Variants in SNIP1 observed in about 807,000 individuals in gnomAD.
SNIP1 encodes smad nuclear-interacting protein 1.
A neutral mutation model predicts 37.4 loss-of-function variants in SNIP1; 23 were observed. The observed-to-expected ratio is 0.61, with a 90% CI of 0.44 to 0.87. The LOEUF (loss-of-function observed/expected upper bound fraction) is 0.87, where lower values mean the gene tolerates loss of function less well. SNIP1 is among the 40% of genes least tolerant of loss of function. The probability of loss-of-function intolerance (pLI) is 0.00; values close to 1 mark genes in which losing one functional copy is unlikely to be tolerated. For synonymous variants in SNIP1, 174 were observed against 200.0 expected, an observed-to-expected ratio of 0.87 and a Z score of 1.10; for missense variants, 459 against 540.4, an observed-to-expected ratio of 0.85 and a Z score of 1.49.
chr1:37,535,230 T>TATATATATATATATATA lies in SNIP1; in HGVS notation c.*2517_*2518insTATATATATATATATAT, dbSNP rs1553165371. ...ACTAAAAAAAAATAAAAAATAAAAA[T>TATATATATATATATATA]TATATATATAAATTAGCCAGGCTTG... On this transcript the variant is annotated 3_prime_UTR_variant, in exon 4 of 4. Transcript: ENST00000296215. The TATATATATATATATATA allele has an allele frequency of 5.8e-5, 1 of 17,294 alleles. No individual in the cohort carries two copies. The highest frequency in any genetic ancestry group is 7.5e-4 in the Admixed American group (1 of 1,334). The allele number at this position is 17,294 out of a possible 1,614,324, so 1.1% of individuals were successfully genotyped here. A position where few individuals can be genotyped will look rare whatever the true frequency, so the allele number is the denominator to read the frequency against.
chr1:37,543,154 T>C (rs1451039772), intron 2 of SNIP1, among the ~76,000 whole-genome samples: 2 of 152,040 alleles, frequency 1.3e-5, no homozygotes, highest in Non-Finnish European at 1.5e-5. Flanking sequence ...ATGAATTTTC[T>C]CTCCTTAATT....
At chr1:37,544,131 G>C (rs1485042017) in intron 2 of SNIP1, among the ~76,000 whole-genome samples, 1 of 148,614 alleles carries the variant, frequency 6.7e-6, no homozygotes, top group Admixed American at 6.8e-5. Flanking sequence ...ACGACAAAGA[G>C]AGACTCCGTC....
rs777237285 is a variant in SNIP1 at position 37,540,594 on chromosome 1, C to T, written c.489G>A (p.Gln163=). 6.2e-7 allele frequency: 1 copy of T among 1,614,148 alleles called. No individual in the cohort carries two copies. The highest frequency in any genetic ancestry group is 8.5e-7 in the Non-Finnish European group (1 of 1,180,036). Residue 163 remains glutamine (Q), a synonymous_variant, in exon 3 of 4, where the codon CAG becomes CAA. Transcript: ENST00000296215. This position sits in a 1 kb window ranked among gnomAD's most constrained non-coding sequence, Gnocchi z 5.6. The part of the protein sequence containing the change: ...SNERPGSGQG[Q]GRDRDTQNLQ... ...GGTTCTGAGTGTCTCGATCCCGTCC[C>T]TGACCCTGCCCACTCCCAGGCCTCT...
chr1:37,540,795 C>T lies in SNIP1; in HGVS notation c.328-40G>A. 6.5e-7 allele frequency: 1 copy of T among 1,528,930 alleles called. No homozygotes were observed. 94.7% of individuals were successfully genotyped at this position (1,528,930 alleles called of 1,614,324 possible). On this transcript the variant is annotated intron_variant, in intron 2 of 3. Coordinates refer to ENST00000296215, the MANE Select transcript of SNIP1 (RefSeq NM_024700.4). This position sits in a 1 kb window ranked among gnomAD's most constrained non-coding sequence, Gnocchi z 5.6. ...GATTCTGTAATTTAAACGCAGTGCA[C>T]AATCTAAAGGCAGCCCAAATCTTGT...
chr1:37,552,576 C>T (rs1643313034), intron 2 of SNIP1, 69 bp downstream of exon 2: 2 of 1,276,958 alleles, frequency 1.6e-6, no homozygotes, highest in Non-Finnish European at 1.1e-6. Flanking sequence ...CACACACACA[C>T]ATTCCTCTTT....
chr1:37,554,234 T>C lies in SNIP1; in HGVS notation c.-5A>G, dbSNP rs376531335. The C allele has an allele frequency of 1.0e-5, 16 of 1,588,628 alleles. No homozygotes were observed. The African/African-American group carries it at 1.6e-4, about 16-fold the overall frequency. On this transcript the variant is annotated 5_prime_UTR_variant, in exon 1 of 4. Transcript: ENST00000296215. ...TTCGCTCTTCACCGCCTTCATTCTG[T>C]GATTTTGGCTGGGCGAAAGAAAACA...
chr1:37,539,993 A>G (rs540570224), intron 3 of SNIP1, among the ~76,000 whole-genome samples, 164 bp downstream of exon 3: 33 of 152,318 alleles, frequency 2.2e-4, no homozygotes, highest in African/African-American at 6.5e-4. Flanking sequence ...TGTTCTTATA[A>G]ATATGTAAGC....
At position 37,537,721 on chromosome 1, in the gene SNIP1, G is replaced by T; in HGVS notation, c.*27C>A. The stretch of plus-strand genomic sequence containing the variant: ...CAAAGACTTCCAAGAAGGAAACCGT[G>T]TATCAATAGTTTGGGTTCTTAGTTT... On this transcript the variant is annotated 3_prime_UTR_variant, in exon 4 of 4. Transcript: ENST00000296215. 3.1e-6 allele frequency: 5 copies of T among 1,600,620 alleles called. No homozygotes were observed. Among genetic ancestry groups the T allele is most frequent in the Non-Finnish European group, 4.3e-6 (5 of 1,173,190 alleles).
chr1:37,550,463 T>C (rs1359132782), intron 2 of SNIP1, among the ~76,000 whole-genome samples: 1 of 151,898 alleles, frequency 6.6e-6, no homozygotes, highest in African/African-American at 2.4e-5. Context: ...TCCCAGCACT[T>C]TGGGAGGCTG....
At chr1:37,541,969 CTAT>C (rs1557625552) in intron 2 of SNIP1, among the ~76,000 whole-genome samples, 15 of 96,816 alleles carry the variant, frequency 1.5e-4, no homozygotes, top group Non-Finnish European at 3.1e-4. Context: ...TTCATTCTTA[CTAT>C]CGATCTTAGC....
chr1:37,535,860 G>A lies in SNIP1; in HGVS notation c.*1888C>T, dbSNP rs1428187640. The A allele has an allele frequency of 6.6e-6, 1 of 151,164 alleles. No homozygotes were observed. Among genetic ancestry groups the A allele is most frequent in the African/African-American group, 2.4e-5 (1 of 41,006 alleles). The allele number at this position is 151,164 out of a possible 1,614,324, so 9.4% of individuals were successfully genotyped here. On this transcript the variant is annotated 3_prime_UTR_variant, in exon 4 of 4. Coordinates refer to ENST00000296215, the MANE Select transcript of SNIP1 (RefSeq NM_024700.4). ...GAGTCTCGCTGTCACCCAGGCTGGA[G>A]TGCAGTGGCACAATCTCAGCTCGCT...
At position 37,545,077 on chromosome 1, in the gene SNIP1, A is replaced by C. The variant is rs887076798; in HGVS notation, c.328-4322T>G. 5.3e-6 allele frequency: 4 copies of C among 748,222 alleles called. No homozygotes were observed. The African/African-American group carries it at 6.8e-5, about 13-fold the overall frequency. 46.3% of individuals were successfully genotyped at this position (748,222 alleles called of 1,614,324 possible). The stretch of plus-strand genomic sequence containing the variant: ...TGGAGCATGCATTACATTTGGAAAA[A>C]CTTGGGAATCAGTCACTACTGGAAC... On this transcript the variant is annotated intron_variant, in intron 2 of 3. Coordinates refer to ENST00000296215, the MANE Select transcript of SNIP1 (RefSeq NM_024700.4).
rs1243337782 is a variant in SNIP1 at position 37,548,177 on chromosome 1, ATATCT to A, written c.327+4463_327+4467del. Among the ~76,000 whole-genome samples the A allele has an allele frequency of 1.1e-4, 15 of 138,504 alleles. No homozygotes were observed. In the Admixed American group the frequency reaches 1.1e-3, roughly 10 times the overall value. 90.9% of individuals were successfully genotyped at this position (138,504 alleles called of 152,430 possible). A position where few individuals can be genotyped will look rare whatever the true frequency, so the allele number is the denominator to read the frequency against. ...CAAAAAAAAAAAAAAAAAAAAAAAG[ATATCT>A]TAGGATGCTCAAGTTCCTTATATAA... On this transcript the variant is annotated intron_variant, in intron 2 of 3. Transcript: ENST00000296215.
chr1:37,537,553 GA>G lies in SNIP1; in HGVS notation c.*194del. ...GCAGGCATGTGGCCAAGGTGCCACA[GA>G]AAAAGTTTAACAAACATTAGTCAGT... On this transcript the variant is annotated 3_prime_UTR_variant, in exon 4 of 4. Coordinates refer to ENST00000296215, the MANE Select transcript of SNIP1 (RefSeq NM_024700.4). 1.7e-6 allele frequency: 1 copy of G among 588,862 alleles called. No homozygotes were observed. The highest frequency in any genetic ancestry group is 2.9e-6 in the Non-Finnish European group (1 of 347,228). The allele number at this position is 588,862 out of a possible 1,614,324, so 36.5% of individuals were successfully genotyped here. A position where few individuals can be genotyped will look rare whatever the true frequency, so the allele number is the denominator to read the frequency against.
intron 2 of SNIP1, among the ~76,000 whole-genome samples, chr1:37,549,617 G>A (rs1392629418): frequency 6.6e-6 from 1 of 152,118 alleles, no homozygotes; most frequent in Non-Finnish European, 1.5e-5. Flanking sequence ...TCACCATGTT[G>A]CCCAGGCTGG....
chr1:37,545,151 T>G (rs1643218398), intron 2 of SNIP1: 4 of 722,290 alleles, frequency 5.5e-6, no homozygotes, highest in Non-Finnish European at 1.0e-5. Context: ...GTGACTTCAC[T>G]GAAACACATT....
At chr1:37,552,797 T>C (rs1186028477) in intron 1 of SNIP1, 50 bp from the exon 2 acceptor site, 2 of 1,483,386 alleles carry the variant, frequency 1.3e-6, no homozygotes, top group African/African-American at 1.4e-5. Flanking sequence ...CCTTCCCCCA[T>C]AAAAATTAGC....
At chr1:37,539,429 G>A (rs113403544) in intron 3 of SNIP1, among the ~76,000 whole-genome samples, 107 of 152,182 alleles carry the variant, frequency 7.0e-4, no homozygotes, top group African/African-American at 2.4e-3. Context: ...CAAACAAAAC[G>A]GGCCAGCCGC....
intron 2 of SNIP1, among the ~76,000 whole-genome samples, chr1:37,548,099 G>A (rs1643261136): frequency 7.4e-6 from 1 of 135,004 alleles, no homozygotes; most frequent in Non-Finnish European, 1.5e-5. Context: ...CTTGCAGTAA[G>A]CCGAGATCGC....
Sources: gnomAD v4.1 joint callset for allele counts (sites outside exome capture counted in the v4.1 genomes callset) on GRCh38, gnomAD v4.1.1 for gene constraint, Gnocchi (gnomAD v3.1) non-coding constraint, MANE v1.5 for transcripts, NCBI Gene and HGNC (gene_info 2026-07-23, HGNC 2026-07-21) for gene names.